TOGARAM1: variants seen among roughly 807,000 people sequenced by gnomAD.
TOGARAM1 encodes the protein TOG array regulator of axonemal microtubules 1.
TOGARAM1 carries 100 observed loss-of-function variants against 166.6 expected under a neutral mutation model. The observed-to-expected ratio is 0.60, with a 90% CI of 0.51 to 0.71. The LOEUF (loss-of-function observed/expected upper bound fraction) is 0.71, where lower values mean the gene tolerates loss of function less well. Ranked by LOEUF, TOGARAM1 falls within the 30% of genes least tolerant of loss-of-function variation. TOGARAM1 has a pLI of 0.00. For missense variants in TOGARAM1, 2,029 were observed against 2,102.7 expected (o/e 0.96, Z 0.69); for synonymous variants, 758 against 763.8 (o/e 0.99, Z 0.13).
chr14:45,057,124 T>C (rs1358018726), intron 16 of TOGARAM1, among the ~76,000 whole-genome samples: 1 of 152,164 alleles, frequency 6.6e-6, no homozygotes, highest in East Asian at 1.9e-4. Context: ...TTTCCAGGAA[T>C]TGAAATGTAG....
intron 1 of TOGARAM1, among the ~76,000 whole-genome samples, chr14:44,993,882 A>C (rs781001825): frequency 1.9e-4 from 29 of 152,208 alleles, no homozygotes; most frequent in East Asian, 3.8e-4. Flanking sequence ...AATTAATCAC[A>C]AAGTAAATCT....
chr14:44,986,324 C>T (rs920824802), intron 1 of TOGARAM1, among the ~76,000 whole-genome samples: 2 of 152,164 alleles, frequency 1.3e-5, no homozygotes, highest in African/African-American at 4.8e-5. Context: ...GAGCCTTGCT[C>T]TGTTGCTCAT....
intron 6 of TOGARAM1, 190 bp from the exon 7 acceptor site, chr14:45,011,785 A>ATGTGTG (rs113794576): frequency 0.013 from 5,456 of 414,478 alleles, 134 homozygotes; most frequent in African/African-American, 0.085. Context: ...CAAAATATAT[A>ATGTGTG]TGTGTGTGTG....
intron 7 of TOGARAM1, among the ~76,000 whole-genome samples, chr14:45,012,626 G>A (rs540114020): frequency 1.3e-5 from 2 of 152,132 alleles, no homozygotes; most frequent in Non-Finnish European, 2.9e-5. Context: ...TATTTAGGGT[G>A]AGAACTGCAT....
intron 11 of TOGARAM1, among the ~76,000 whole-genome samples, chr14:45,038,732 G>A (rs569232636): frequency 1.6e-4 from 24 of 152,290 alleles, no homozygotes; most frequent in Non-Finnish European, 3.1e-4. Flanking sequence ...AATGTCATGA[G>A]CGGTGGCAAA....
At position 45,032,353 on chromosome 14, in the gene TOGARAM1, G is replaced by C; in HGVS notation, c.3789G>C (p.Leu1263=). 1 of 1,613,892 alleles carries C rather than the reference G, an allele frequency of 6.2e-7. No homozygotes were observed. Among genetic ancestry groups the C allele is most frequent in the Non-Finnish European group, 8.5e-7 (1 of 1,179,946 alleles). Residue 1263 remains leucine, a synonymous_variant, in exon 11 of 20, where the codon CTG becomes CTC. Transcript: ENST00000361462. ...SKPEIALTEA[L]RLLADEDWEK... Reference sequence around the variant, plus strand: ...CAGAAATAGCACTGACAGAAGCCCTGAGGCTTTTGGCTGATGAGGATTGGT... The same window carrying C: ...CAGAAATAGCACTGACAGAAGCCCTCAGGCTTTTGGCTGATGAGGATTGGT...
Position 44,962,337 on chromosome 14 carries a change from G to C in TOGARAM1, c.-85G>C. On this transcript the variant is annotated 5_prime_UTR_variant, in exon 1 of 20. Coordinates refer to ENST00000361462, the MANE Select transcript of TOGARAM1 (RefSeq NM_001308120.2). ...TTGCCTCTTCTGCAGCTTGGGGCTT[G>C]GAGAGGATCTGGAAGTCTGGGCTCC... 1 of 1,443,962 alleles carries C rather than the reference G, an allele frequency of 6.9e-7. No homozygotes were observed. The highest frequency in any genetic ancestry group is 9.1e-7 in the Non-Finnish European group (1 of 1,094,956). 89.4% of individuals were successfully genotyped at this position (1,443,962 alleles called of 1,614,324 possible).
Position 44,963,419 on chromosome 14 carries a change from A to G in TOGARAM1, c.998A>G (p.Asp333Gly). 6.2e-7 allele frequency: 1 copy of G among 1,614,112 alleles called. No homozygotes were observed. The highest frequency in any genetic ancestry group is 8.5e-7 in the Non-Finnish European group (1 of 1,180,022). Reference protein sequence around the residue: ...LELEASGFPEDPLPCAVTLSN... With the variant: ...LELEASGFPEGPLPCAVTLSN... ...CTTGAAGCCTCTGGATTTCCTGAAG[A>G]TCCCCTTCCCTGTGCAGTGACTCTT... Residue 333 changes from aspartate to glycine, a missense_variant, in exon 1 of 20, where the codon GAT becomes GGT. Asp to Gly is a moderately conservative substitution (Grantham distance 94). Coordinates refer to ENST00000361462, the MANE Select transcript of TOGARAM1 (RefSeq NM_001308120.2).
intron 17 of TOGARAM1, among the ~76,000 whole-genome samples, chr14:45,067,506 A>G (rs958100527): frequency 6.6e-6 from 1 of 152,088 alleles, no homozygotes; most frequent in Non-Finnish European, 1.5e-5. Context: ...AGCATAGATT[A>G]TTTTTGCTTG....
rs1186262913 is a variant in TOGARAM1, at chr14:44,978,973, CT to C, written c.2046+14517del. 3.7e-3 allele frequency among the ~76,000 whole-genome samples: 529 copies of C among 142,634 alleles called. 2 individuals carry two copies. Among genetic ancestry groups the C allele is most frequent in the African/African-American group, 0.01 (406 of 39,126 alleles). 93.6% of individuals were successfully genotyped at this position (142,634 alleles called of 152,430 possible). ...ACATTGCAAGATCCCATCTCTCTCT[CT>C]TTTTTTTTTTAATGTCACTAACCAA... On this transcript the variant is annotated intron_variant, in intron 1 of 19. Transcript: ENST00000361462.
intron 1 of TOGARAM1, among the ~76,000 whole-genome samples, chr14:44,986,826 G>A (rs1056285562): frequency 2.0e-5 from 3 of 150,998 alleles, no homozygotes; most frequent in Non-Finnish European, 3.0e-5. Flanking sequence ...CTAACACGGT[G>A]TAACCCCATC....
chr14:44,997,396 C>A (rs1205272627), intron 2 of TOGARAM1: 1 of 101,588 alleles, frequency 9.8e-6, no homozygotes, highest in Non-Finnish European at 1.8e-5. Context: ...CAAAGCAAGA[C>A]TCCATCTCAA....
rs1167352718 is a variant in TOGARAM1 at position 45,073,369 on chromosome 14, C to T, written c.5130C>T (p.Leu1710=). ...EQKVLVVLWH[L]LGNMTNSGSL... is the part of the protein sequence containing the mutation. Reference sequence around the variant, plus strand: ...AAGTGTTGGTTGTTTTATGGCATCTCTTAGGAAATATGACAAATAGTGGCT... The same window carrying T: ...AAGTGTTGGTTGTTTTATGGCATCTTTTAGGAAATATGACAAATAGTGGCT... The change falls in exon 20 of 20, where the codon CTC becomes CTT. Residue 1710 remains leucine, a synonymous_variant. Coordinates refer to ENST00000361462, the MANE Select transcript of TOGARAM1 (RefSeq NM_001308120.2). 2 of 1,614,170 alleles carry T rather than the reference C, an allele frequency of 1.2e-6. No homozygotes were observed. The highest frequency in any genetic ancestry group is 1.1e-5 in the South Asian group (1 of 91,088).
In TOGARAM1 at chr14:44,964,339, T is replaced by G; in HGVS notation, c.1918T>G (p.Tyr640Asp). The G allele has an allele frequency of 6.2e-7, 1 of 1,614,148 alleles. No homozygotes were observed. The highest frequency in any genetic ancestry group is 8.5e-7 in the Non-Finnish European group (1 of 1,180,026). The change falls in exon 1 of 20, where the codon TAC becomes GAC. Residue 640 changes from tyrosine to aspartate, a missense_variant. Around this residue, in one of 2 missense-constraint regions of TOGARAM1, gnomAD observed 1,453 missense variants for 1,432.2 expected, o/e 1.01. Coordinates refer to ENST00000361462, the MANE Select transcript of TOGARAM1 (RefSeq NM_001308120.2). Reference protein sequence around the residue: ...VRDSMHIYGSYSPTICTRRVL... With the variant: ...VRDSMHIYGSDSPTICTRRVL... ...GGATAGCATGCACATTTATGGATCTTACAGCCCAACTATCTGTACCCGAAG... is the reference window on the plus strand; with the variant it reads ...GGATAGCATGCACATTTATGGATCTGACAGCCCAACTATCTGTACCCGAAG...
chr14:44,980,136 C>T (rs1291234781), intron 1 of TOGARAM1, among the ~76,000 whole-genome samples: 2 of 152,172 alleles, frequency 1.3e-5, no homozygotes, highest in Non-Finnish European at 2.9e-5. Context: ...GTCCTCCATA[C>T]TCAGTTACAG....
chr14:44,994,888 T>C (rs1255476444), intron 1 of TOGARAM1, among the ~76,000 whole-genome samples: 3 of 152,240 alleles, frequency 2.0e-5, no homozygotes, highest in Non-Finnish European at 4.4e-5. Context: ...CAAAGAAATA[T>C]ACTGACAAGG....
chr14:45,026,438 C>A (rs1179505944), intron 8 of TOGARAM1, among the ~76,000 whole-genome samples: 1 of 151,984 alleles, frequency 6.6e-6, no homozygotes, highest in African/African-American at 2.4e-5. Context: ...AAAATTTGTC[C>A]TAACTTCTTT....
At chr14:45,000,696 C>T (rs1887654736) in intron 3 of TOGARAM1, among the ~76,000 whole-genome samples, 1 of 152,128 alleles carries the variant, frequency 6.6e-6, no homozygotes, top group Non-Finnish European at 1.5e-5. Flanking sequence ...ATACTGATTT[C>T]CTTCTTTCGA....
At chr14:45,041,061 CT>C (rs1277760468) in intron 11 of TOGARAM1, among the ~76,000 whole-genome samples, 1 of 149,134 alleles carries the variant, frequency 6.7e-6, no homozygotes, top group East Asian at 2.0e-4. Context: ...ATAATAATAA[CT>C]TGTATAACCC....
Sources: allele counts gnomAD v4.1 joint callset (sites outside exome capture counted in the v4.1 genomes callset), GRCh38; gene constraint gnomAD v4.1.1; regional missense constraint gnomAD v4.1.1; transcripts MANE v1.5; gene names NCBI Gene and HGNC (gene_info 2026-07-23, HGNC 2026-07-21).